TENM3: variants seen among roughly 807,000 people sequenced by gnomAD.
TENM3 encodes the protein teneurin transmembrane protein 3.
A neutral mutation model predicts 255.1 loss-of-function variants in TENM3; 63 were observed. The observed-to-expected ratio is 0.25, with a 90% CI of 0.20 to 0.30. The LOEUF (loss-of-function observed/expected upper bound fraction) is 0.30, where lower values mean the gene tolerates loss of function less well. Ranked by LOEUF, TENM3 falls within the 10% of genes least tolerant of loss-of-function variation. The pLI is 1.00. For missense variants in TENM3, 2,929 were observed against 3,461.1 expected (o/e 0.85, Z 3.86); for synonymous variants, 1,306 against 1,322.3 (o/e 0.99, Z 0.27).
chr4:182,510,304 G>A (rs778823325), intron 3 of TENM3, among the ~76,000 whole-genome samples: 6 of 151,920 alleles, frequency 3.9e-5, no homozygotes, highest in South Asian at 2.1e-4. Flanking sequence ...TTTCTTCTGC[G>A]CAAGCCTTTT....
chr4:181,778,423 C>A, the TENM3 span, among the ~76,000 whole-genome samples: 1 of 152,076 alleles, frequency 6.6e-6, no homozygotes, highest in East Asian at 1.9e-4. Flanking sequence ...CTTCTTTGAT[C>A]TATATAAACT....
chr4:181,643,332 A>G, the TENM3 span, among the ~76,000 whole-genome samples: 1 of 152,136 alleles, frequency 6.6e-6, no homozygotes, highest in Non-Finnish European at 1.5e-5. Context: ...ATTTTTGCAC[A>G]TTAATTTTGT....
intron 3 of TENM3, among the ~76,000 whole-genome samples, chr4:182,407,577 C>T (rs1769673039): frequency 6.6e-6 from 1 of 152,040 alleles, no homozygotes; most frequent in Non-Finnish European, 1.5e-5. Flanking sequence ...AGACCTTAAG[C>T]ATTTGCTGAG....
chr4:182,713,366 C>T (rs938954617), intron 12 of TENM3, among the ~76,000 whole-genome samples: 2 of 152,156 alleles, frequency 1.3e-5, no homozygotes, highest in African/African-American at 4.8e-5. Context: ...GAAATCCTGT[C>T]GGTCCTGTCC....
rs561158690 is a variant in TENM3, at chr4:182,634,485, T to C, written c.988+5596T>C. ...GGTAAACTTTCTTTCATTGGAGTCA[T>C]CTTACCATTTTCTTTGGATTACTGA... On this transcript the variant is annotated intron_variant, in intron 5 of 27. Transcript: ENST00000511685. 7.2e-5 allele frequency among the ~76,000 whole-genome samples: 11 copies of C among 152,278 alleles called. No homozygotes were observed. In the South Asian group the frequency reaches 1.7e-3, roughly 23 times the overall value.
At chr4:181,842,275 A>C in the TENM3 span, among the ~76,000 whole-genome samples, 1 of 152,158 alleles carries the variant, frequency 6.6e-6, no homozygotes, top group Non-Finnish European at 1.5e-5. Flanking sequence ...ATCAAGAGGG[A>C]AATAAGCTAC....
At chr4:181,589,593 G>A in the TENM3 span, among the ~76,000 whole-genome samples, 7 of 152,224 alleles carry the variant, frequency 4.6e-5, no homozygotes, top group South Asian at 1.5e-3. Flanking sequence ...AGGAATTTTT[G>A]GCTGGACCTG....
chr4:182,319,231 G>A (rs891023147), intron 1 of TENM3, among the ~76,000 whole-genome samples: 1 of 152,168 alleles, frequency 6.6e-6, no homozygotes, highest in Non-Finnish European at 1.5e-5. Context: ...CCTTGTGTAG[G>A]ACTGTGCAGT....
the TENM3 span, among the ~76,000 whole-genome samples, chr4:181,670,663 T>A: frequency 1.3e-5 from 2 of 152,158 alleles, no homozygotes; most frequent in African/African-American, 4.8e-5. Context: ...AGGTATTACA[T>A]CAGCAAGTAG....
chr4:182,439,120 C>A (rs1772262864), intron 3 of TENM3, among the ~76,000 whole-genome samples: 1 of 152,192 alleles, frequency 6.6e-6, no homozygotes, highest in South Asian at 2.1e-4. Flanking sequence ...GACTCCAGAT[C>A]TTTTGCAAGA....
At chr4:182,623,404 G>C (rs1398656037) in intron 4 of TENM3, among the ~76,000 whole-genome samples, 1 of 152,038 alleles carries the variant, frequency 6.6e-6, no homozygotes, top group Non-Finnish European at 1.5e-5. Context: ...CTGGGTTCAA[G>C]CAATTCTCCT....
chr4:181,843,333 G>A, the TENM3 span, among the ~76,000 whole-genome samples: 1 of 152,190 alleles, frequency 6.6e-6, no homozygotes, highest in Non-Finnish European at 1.5e-5. Flanking sequence ...CCAACTTAGG[G>A]TTGAAACATA....
chr4:182,469,199 A>G (rs887058653), intron 3 of TENM3, among the ~76,000 whole-genome samples: 1 of 152,174 alleles, frequency 6.6e-6, no homozygotes, highest in African/African-American at 2.4e-5. Flanking sequence ...TGAATTTGAA[A>G]AACTAAAACA....
the TENM3 span, among the ~76,000 whole-genome samples, chr4:181,816,805 A>G: frequency 1.3e-5 from 2 of 152,162 alleles, no homozygotes; most frequent in South Asian, 2.1e-4. Context: ...ATGCATCGAT[A>G]ATGTCATTGC....
chr4:181,930,448 C>T, the TENM3 span, among the ~76,000 whole-genome samples: 3 of 152,044 alleles, frequency 2.0e-5, no homozygotes, highest in African/African-American at 7.2e-5. Flanking sequence ...ACACATACAC[C>T]CTACCAAGAC....
the TENM3 span, among the ~76,000 whole-genome samples, chr4:181,488,811 G>C: frequency 1.3e-5 from 2 of 152,138 alleles, no homozygotes; most frequent in Non-Finnish European, 2.9e-5. Context: ...ACAGCAGAGA[G>C]TGTCTGAGCC....
chr4:182,311,464 CTAAGGTTTGGAAG>C (rs1762442939), intron 1 of TENM3, among the ~76,000 whole-genome samples: 1 of 151,958 alleles, frequency 6.6e-6, no homozygotes, highest in Non-Finnish European at 1.5e-5. Context: ...CCTCTTTGTT[CTAAGGTTTGGAAG>C]TATAGTCCAG....
At chr4:181,838,715 T>C in the TENM3 span, among the ~76,000 whole-genome samples, 2 of 152,164 alleles carry the variant, frequency 1.3e-5, no homozygotes, top group South Asian at 4.1e-4. Flanking sequence ...GAATCTAATA[T>C]TTATAGCATT....
chr4:181,638,424 C>A, the TENM3 span, among the ~76,000 whole-genome samples: 3 of 152,258 alleles, frequency 2.0e-5, no homozygotes, highest in East Asian at 5.8e-4. Flanking sequence ...TGGGGATCAC[C>A]CAGTATTTCT....
Sources: gnomAD v4.1 joint callset for allele counts (sites outside exome capture counted in the v4.1 genomes callset) on GRCh38, gnomAD v4.1.1 for gene constraint, MANE v1.5 for transcripts, NCBI Gene and HGNC (gene_info 2026-07-23, HGNC 2026-07-21) for gene names.